ROBO1: variants seen among roughly 807,000 people sequenced by gnomAD.
The protein encoded by ROBO1 is roundabout guidance receptor 1, also known as roundabout homolog 1.
ROBO1 carries 149 observed loss-of-function variants against 195.9 expected under a neutral mutation model. The observed-to-expected ratio is 0.76, with a 90% CI of 0.67 to 0.87. The LOEUF (loss-of-function observed/expected upper bound fraction) is 0.87. ROBO1 is among the 40% of genes least tolerant of loss of function. The pLI is 0.00. For missense variants in ROBO1, 1,933 were observed against 2,068.3 expected (o/e 0.93, Z 1.27); for synonymous variants, 816 against 733.2 (o/e 1.11, Z -1.82).
intron 2 of ROBO1, among the ~76,000 whole-genome samples, chr3:79,409,908 AT>A (rs1025148982): frequency 3.3e-5 from 5 of 151,820 alleles, no homozygotes; most frequent in Middle Eastern, 3.2e-3. Flanking sequence ...TCAACTTTCA[AT>A]TTTTTTTCCA....
chr3:78,890,664 G>A (rs776466720), intron 4 of ROBO1, among the ~76,000 whole-genome samples: 4 of 151,906 alleles, frequency 2.6e-5, no homozygotes, highest in South Asian at 2.1e-4. Context: ...TTTAATTATC[G>A]GAATACTTTA....
chr3:79,371,452 A>C lies in ROBO1; in HGVS notation c.88+218372T>G, dbSNP rs116750148. Among the ~76,000 whole-genome samples the C allele has an allele frequency of 9.9e-3, 1,512 of 152,300 alleles. 7 individuals carry two copies. The highest frequency in any genetic ancestry group is 0.015 in the Non-Finnish European group (1,053 of 68,008). ...TGAAGGTAATGTGTAGTTATATTCC[A>C]TTTACGTAGTAGATGGAAAGTGATG... On this transcript the variant is annotated intron_variant, in intron 2 of 30. Transcript: ENST00000464233.
intron 19 of ROBO1, among the ~76,000 whole-genome samples, 180 bp from the exon 20 acceptor site, chr3:78,647,835 T>C (rs1706396567): frequency 6.6e-6 from 1 of 152,038 alleles, no homozygotes; most frequent in Non-Finnish European, 1.5e-5. Context: ...AAGAAGCTTG[T>C]CTCTACAGGT....
intron 2 of ROBO1, among the ~76,000 whole-genome samples, chr3:79,547,143 C>CAG (rs1942297741): frequency 1.5e-5 from 2 of 136,790 alleles, no homozygotes; most frequent in African/African-American, 5.8e-5. Flanking sequence ...CGAGATCGTG[C>CAG]CACTGCACTC....
At chr3:78,927,542 G>T (rs1035721843) in intron 4 of ROBO1, among the ~76,000 whole-genome samples, 1 of 152,130 alleles carries the variant, frequency 6.6e-6, no homozygotes, top group Non-Finnish European at 1.5e-5. Context: ...AGAGACTGAA[G>T]TCTTACAGAA....
chr3:79,239,757 G>A (rs937938203), intron 2 of ROBO1, among the ~76,000 whole-genome samples: 5 of 152,002 alleles, frequency 3.3e-5, no homozygotes, highest in East Asian at 1.9e-4. Context: ...ATCTTTTCAC[G>A]TTCCCAAACT....
chr3:79,609,035 C>T (rs1206522499), intron 1 of ROBO1, among the ~76,000 whole-genome samples: 1 of 151,898 alleles, frequency 6.6e-6, no homozygotes, highest in Non-Finnish European at 1.5e-5. Flanking sequence ...GTCCTTTTGA[C>T]TTCTGCCATG....
At chr3:78,879,998 T>C (rs1025325407) in intron 4 of ROBO1, among the ~76,000 whole-genome samples, 1 of 152,186 alleles carries the variant, frequency 6.6e-6, no homozygotes, top group African/African-American at 2.4e-5. Context: ...CACAGTGATA[T>C]ATAATGTATA....
chr3:78,631,063 G>T (rs751500209), intron 25 of ROBO1, 98 bp downstream of exon 25: 2 of 1,258,216 alleles, frequency 1.6e-6, no homozygotes, highest in East Asian at 2.6e-5. Context: ...TGGACCTTAG[G>T]AATCAGTCTT....
chr3:78,619,791 G>C, intron 26 of ROBO1, among the ~76,000 whole-genome samples: 1 of 152,000 alleles, frequency 6.6e-6, no homozygotes, highest in Non-Finnish European at 1.5e-5. Context: ...GCTGAGGTGG[G>C]TGGATCACCT....
At chr3:79,577,457 C>T (rs1219995654) in intron 2 of ROBO1, among the ~76,000 whole-genome samples, 1 of 152,036 alleles carries the variant, frequency 6.6e-6, no homozygotes, top group Non-Finnish European at 1.5e-5. Context: ...ATATATTGGA[C>T]TTCATTGAAA....
intron 1 of ROBO1, among the ~76,000 whole-genome samples, chr3:79,644,746 G>T (rs903621406): frequency 6.6e-6 from 1 of 151,992 alleles, no homozygotes; most frequent in East Asian, 1.9e-4. Flanking sequence ...TTCACTAACT[G>T]GTGCAGAATA....
chr3:78,829,731 A>G (rs2031974699), intron 4 of ROBO1, among the ~76,000 whole-genome samples: 1 of 152,190 alleles, frequency 6.6e-6, no homozygotes, highest in South Asian at 2.1e-4. Flanking sequence ...AGATAAGAAA[A>G]GCGTTGTAGA....
At chr3:79,642,665 T>C (rs1030188848) in intron 1 of ROBO1, among the ~76,000 whole-genome samples, 1 of 152,084 alleles carries the variant, frequency 6.6e-6, no homozygotes, top group Non-Finnish European at 1.5e-5. Flanking sequence ...ATCCAACAAA[T>C]CTATCCTTAA....
intron 1 of ROBO1, among the ~76,000 whole-genome samples, chr3:79,740,074 T>C (rs1412618607): frequency 6.6e-6 from 1 of 151,286 alleles, no homozygotes; most frequent in Non-Finnish European, 1.5e-5. Flanking sequence ...AATCATTAAC[T>C]TTAATATAAA....
intron 2 of ROBO1, among the ~76,000 whole-genome samples, chr3:79,172,142 G>A (rs975252572): frequency 1.3e-5 from 2 of 152,020 alleles, no homozygotes; most frequent in African/African-American, 4.8e-5. Context: ...TTTGCTCTAA[G>A]CCTCCCTCTA....
chr3:79,546,490 C>T (rs1469416103), intron 2 of ROBO1, among the ~76,000 whole-genome samples: 1 of 152,082 alleles, frequency 6.6e-6, no homozygotes, highest in Non-Finnish European at 1.5e-5. Flanking sequence ...TTTGTCAAAA[C>T]GAATATACAT....
intron 3 of ROBO1, among the ~76,000 whole-genome samples, chr3:78,981,037 C>T (rs1471571303): frequency 2.0e-5 from 3 of 151,948 alleles, no homozygotes; most frequent in Admixed American, 6.6e-5. Context: ...ATAGTTTCAG[C>T]AAGATATGAA....
intron 4 of ROBO1, among the ~76,000 whole-genome samples, chr3:78,797,886 G>C (rs114121745): frequency 0.035 from 5,375 of 152,200 alleles, 115 homozygotes; most frequent in Non-Finnish European, 0.047. Flanking sequence ...AAGGTGACCT[G>C]TTTGTATATA....
Sources: gnomAD v4.1 joint callset for allele counts (sites outside exome capture counted in the v4.1 genomes callset) on GRCh38, gnomAD v4.1.1 for gene constraint, MANE v1.5 for transcripts, NCBI Gene and HGNC (gene_info 2026-07-23, HGNC 2026-07-21) for gene names.